ANXA4: variants seen among roughly 807,000 people sequenced by gnomAD.
The protein encoded by ANXA4 is annexin A4, also known as 35-beta calcimedin.
In ANXA4, 39 loss-of-function variants were observed where a neutral mutation model predicts 49.8. That is an observed-to-expected ratio of 0.78 (90% confidence interval 0.61 to 1.02). The LOEUF (loss-of-function observed/expected upper bound fraction) is 1.02, where lower values mean the gene tolerates loss of function less well. Among genes scored for constraint, ANXA4 ranks in the 50% least tolerant of loss-of-function variants. The pLI is 0.00. For missense variants in ANXA4, 360 were observed against 410.1 expected (o/e 0.88, Z 1.05); for synonymous variants, 134 against 152.5 (o/e 0.88, Z 0.89).
rs755745234 is a variant in ANXA4, at chr2:69,781,593, C to G, written c.9+19C>G. ...GGCCATGGTAAGTTGTGAAATACCTCAACCCTATCTGGTGCCAGCTGCCAA... is the reference window on the plus strand; with the variant it reads ...GGCCATGGTAAGTTGTGAAATACCTGAACCCTATCTGGTGCCAGCTGCCAA... On this transcript the variant is annotated intron_variant, in intron 2 of 12. Transcript: ENST00000394295. 1.9e-6 allele frequency: 3 copies of G among 1,613,938 alleles called. No individual in the cohort carries two copies. Among genetic ancestry groups the G allele is most frequent in the Non-Finnish European group, 2.5e-6 (3 of 1,179,916 alleles).
chr2:69,795,822 G>A (rs1672919373), intron 3 of ANXA4, among the ~76,000 whole-genome samples: 1 of 152,172 alleles, frequency 6.6e-6, no homozygotes, highest in African/African-American at 2.4e-5. Flanking sequence ...GGACTTTCAG[G>A]CATATTTAAG....
intron 3 of ANXA4, among the ~76,000 whole-genome samples, chr2:69,796,752 G>A (rs1408704930): frequency 6.6e-6 from 1 of 152,064 alleles, no homozygotes; most frequent in Non-Finnish European, 1.5e-5. Flanking sequence ...GTTGGAGGGG[G>A]CCCCAGATTA....
At chr2:69,697,380 CT>C (rs1408072699) in intron 2 of ANXA4, among the ~76,000 whole-genome samples, 2 of 152,202 alleles carry the variant, frequency 1.3e-5, no homozygotes, top group Non-Finnish European at 2.9e-5. Flanking sequence ...TTGTTCTAGG[CT>C]AGGCTTTGGA....
intron 2 of ANXA4, among the ~76,000 whole-genome samples, chr2:69,688,245 T>A (rs1191817641): frequency 1.3e-5 from 2 of 152,260 alleles, no homozygotes; most frequent in Non-Finnish European, 2.9e-5. Context: ...AACAAGTTTC[T>A]CTTTCCCCTA....
chr2:69,813,883 G>A (rs924626404), intron 8 of ANXA4, among the ~76,000 whole-genome samples: 1 of 150,396 alleles, frequency 6.6e-6, no homozygotes, highest in Admixed American at 6.7e-5. Context: ...TCAGCCTCCT[G>A]AGTATCTGGG....
In ANXA4 at chr2:69,781,572, A is replaced by G. The variant is rs372707355; in HGVS notation, c.7A>G (p.Met3Val). Residue 3 changes from methionine (M) to valine (V), a missense_variant and splice_region_variant, in exon 2 of 13, where the codon ATG (methionine) becomes GTG (valine). Physicochemically the swap from Met to Val is conservative, Grantham distance 21. Coordinates refer to ENST00000394295, the MANE Select transcript of ANXA4 (RefSeq NM_001153.5). ...CTGATCTTGACCTAGAGTCATGGCC[A>G]TGGTAAGTTGTGAAATACCTCAACC... MAMATKGGTVKAA... is the reference protein window; with the variant it reads MAVATKGGTVKAA... 26 of 1,613,956 alleles carry G rather than the reference A, an allele frequency of 1.6e-5. No individual in the cohort carries two copies. The African/African-American group carries it at 1.7e-4, about 11-fold the overall frequency.
In ANXA4 at chr2:69,826,959, C is replaced by A. The variant is rs982160347; in HGVS notation, c.*1444C>A. Reference sequence around the variant, plus strand: ...AAAAAAAATCATATTTAGTCTTATGCGTGCCTACTGGCTAATGTTCACATA... The same window carrying A: ...AAAAAAAATCATATTTAGTCTTATGAGTGCCTACTGGCTAATGTTCACATA... On this transcript the variant is annotated 3_prime_UTR_variant, in exon 13 of 13. Coordinates refer to ENST00000394295, the MANE Select transcript of ANXA4 (RefSeq NM_001153.5). 6.6e-6 allele frequency: 1 copy of A among 152,016 alleles called. No individual in the cohort carries two copies. The highest frequency in any genetic ancestry group is 1.5e-5 in the Non-Finnish European group (1 of 68,020). 9.4% of individuals were successfully genotyped at this position (152,016 alleles called of 1,614,324 possible).
intron 2 of ANXA4, among the ~76,000 whole-genome samples, chr2:69,681,688 G>C (rs1188374966): frequency 1.3e-5 from 2 of 152,046 alleles, no homozygotes; most frequent in Non-Finnish European, 2.9e-5. Flanking sequence ...AGTCTAGCTA[G>C]CGATTTATCA....
chr2:69,788,598 G>A (rs925110175), intron 3 of ANXA4, among the ~76,000 whole-genome samples: 6 of 152,132 alleles, frequency 3.9e-5, no homozygotes, highest in African/African-American at 1.4e-4. Context: ...AGCACTTTGG[G>A]AGGCTGAGGC....
intron 3 of ANXA4, among the ~76,000 whole-genome samples, chr2:69,794,650 C>T (rs1347043336): frequency 6.6e-6 from 1 of 152,098 alleles, no homozygotes; most frequent in African/African-American, 2.4e-5. Context: ...GCAAGCTCTG[C>T]CTTCCGAGTT....
chr2:69,746,160 C>A (rs774455724), intron 1 of ANXA4, among the ~76,000 whole-genome samples: 1 of 151,986 alleles, frequency 6.6e-6, no homozygotes, highest in Non-Finnish European at 1.5e-5. Flanking sequence ...TACAGGCACA[C>A]GCCACCATGC....
intron 8 of ANXA4, 45 bp from the exon 9 acceptor site, chr2:69,816,056 C>T: frequency 6.8e-7 from 1 of 1,481,408 alleles, no homozygotes; most frequent in Non-Finnish European, 9.4e-7. Flanking sequence ...TGTGTCCTGG[C>T]ACATCGTTTT....
intron 2 of ANXA4, among the ~76,000 whole-genome samples, chr2:69,717,579 T>C (rs1292782898): frequency 6.6e-6 from 1 of 152,250 alleles, no homozygotes; most frequent in African/African-American, 2.4e-5. Context: ...ATCCTTTTCA[T>C]TTCTGGAATT....
At chr2:69,686,718 A>C (rs1463809441) in intron 2 of ANXA4, among the ~76,000 whole-genome samples, 1 of 152,218 alleles carries the variant, frequency 6.6e-6, no homozygotes, top group Non-Finnish European at 1.5e-5. Context: ...GGCCTCCCAG[A>C]GGGCTGGGAT....
intron 2 of ANXA4, among the ~76,000 whole-genome samples, chr2:69,682,898 G>A (rs568229945): frequency 6.6e-6 from 1 of 152,190 alleles, no homozygotes; most frequent in African/African-American, 2.4e-5. Flanking sequence ...GACGTCAGAT[G>A]ATTTTTATGA....
At chr2:69,663,292 C>T (rs1233189612) in intron 2 of ANXA4, among the ~76,000 whole-genome samples, 9 of 53,368 alleles carry the variant, frequency 1.7e-4, no homozygotes, top group African/African-American at 8.0e-4. Context: ...ATGCACCCGG[C>T]CTTTTTTTTT....
At chr2:69,728,935 A>T (rs1200163759) in intron 3 of ANXA4, among the ~76,000 whole-genome samples, 1 of 152,238 alleles carries the variant, frequency 6.6e-6, no homozygotes, top group African/African-American at 2.4e-5. Context: ...TTGAATTTAT[A>T]GATCAATTTG....
intron 1 of ANXA4, among the ~76,000 whole-genome samples, chr2:69,745,981 T>C (rs1230801499): frequency 6.6e-6 from 1 of 152,046 alleles, no homozygotes; most frequent in African/African-American, 2.4e-5. Context: ...GCTAAAACCT[T>C]CCTTCTCAAG....
chr2:69,821,757 G>A (rs1050794462), intron 12 of ANXA4, among the ~76,000 whole-genome samples: 3 of 152,128 alleles, frequency 2.0e-5, no homozygotes, highest in African/African-American at 7.2e-5. Context: ...CCACCAAGCT[G>A]TGGATTTTGT....
Sources: gnomAD v4.1 joint callset for allele counts (sites outside exome capture counted in the v4.1 genomes callset) on GRCh38, gnomAD v4.1.1 for gene constraint, MANE v1.5 for transcripts, NCBI Gene and HGNC (gene_info 2026-07-23, HGNC 2026-07-21) for gene names.